The following NALF1 variants were observed in gnomAD, a reference collection of about 807,000 sequenced individuals.
NALF1 encodes the protein family with sequence similarity 155 member A.
Under a neutral mutation model 48.4 loss-of-function variants are expected in NALF1, and 3 were observed. The ratio of observed to expected loss-of-function variants is 0.06; its 90% CI spans 0.03 to 0.16. The LOEUF (loss-of-function observed/expected upper bound fraction) is 0.16, where lower values mean the gene tolerates loss of function less well. Ranked by LOEUF, NALF1 falls within the 10% of genes least tolerant of loss-of-function variation. The pLI is 1.00. For missense variants in NALF1, 526 were observed against 571.5 expected (o/e 0.92, Z 0.81); for synonymous variants, 262 against 245.7 (o/e 1.07, Z -0.62).
At chr13:107,770,619 A>C (rs1877551872) in intron 1 of NALF1, among the ~76,000 whole-genome samples, 3 of 152,140 alleles carry the variant, frequency 2.0e-5, no homozygotes, top group African/African-American at 7.2e-5. Context: ...GATCCTTCTA[A>C]TCACTCTCAA....
intron 1 of NALF1, among the ~76,000 whole-genome samples, chr13:107,673,234 TAATTTAATGAG>T (rs1468651306): frequency 1.3e-5 from 2 of 152,196 alleles, no homozygotes; most frequent in Non-Finnish European, 1.5e-5. Flanking sequence ...GTTAAAGGAT[TAATTTAATGAG>T]ATTTAGTTCT....
rs750026970 is a variant in NALF1 at position 107,785,114 on chromosome 13, GTATATA to G, written c.915+80562_915+80567del. On this transcript the variant is annotated intron_variant, in intron 1 of 2. Coordinates refer to ENST00000375915, the MANE Select transcript of NALF1 (RefSeq NM_001080396.3). ...CACACACATATATATGTATGTATAT[GTATATA>G]TATATTCATATATATGTGTGTGTAT... is the stretch of plus-strand genomic sequence containing the variant. Among the ~76,000 whole-genome samples the G allele has an allele frequency of 8.6e-5, 13 of 151,314 alleles. No homozygotes were observed. In the East Asian group the frequency reaches 1.6e-3, roughly 18 times the overall value.
chr13:107,576,816 A>G (rs1594138579), intron 1 of NALF1, among the ~76,000 whole-genome samples: 1 of 152,186 alleles, frequency 6.6e-6, no homozygotes, highest in Admixed American at 6.5e-5. Context: ...ACAAAAGTGT[A>G]GAAAATAAAT....
intron 1 of NALF1, among the ~76,000 whole-genome samples, chr13:107,224,022 A>G (rs1880048923): frequency 6.6e-6 from 1 of 150,408 alleles, no homozygotes; most frequent in African/African-American, 2.5e-5. Flanking sequence ...TAATTGATTA[A>G]TTAATTAATT....
Position 107,866,307 on chromosome 13 carries a change from C to CGCCGCTGCTGCTGCTGCTGCT in NALF1, c.269_289dup (p.Gln90_Arg96dup). The CGCCGCTGCTGCTGCTGCTGCT allele has an allele frequency of 6.2e-7, 1 of 1,607,286 alleles. No homozygotes were observed. ...CGCGGGCCAGGAGGGCTCCTGCTGCCGCCGCTGCTGCTGCTGCTGCTGCCG... is the reference window on the plus strand; with the variant it reads ...CGCGGGCCAGGAGGGCTCCTGCTGCCGCCGCTGCTGCTGCTGCTGCTGCCGCTGCTGCTGCTGCTGCTGCCG... On this transcript the variant is annotated inframe_insertion, in exon 1 of 3. Transcript: ENST00000375915. This position sits in a 1 kb window ranked among gnomAD's most constrained non-coding sequence, Gnocchi z 4.4.
At chr13:107,517,027 G>A (rs1183622584) in intron 1 of NALF1, among the ~76,000 whole-genome samples, 2 of 152,078 alleles carry the variant, frequency 1.3e-5, no homozygotes, top group Non-Finnish European at 2.9e-5. Flanking sequence ...ATTCATTTAC[G>A]TGGCCTAGGA....
intron 1 of NALF1, among the ~76,000 whole-genome samples, chr13:107,221,285 A>T (rs528495205): frequency 4.9e-5 from 7 of 142,610 alleles, no homozygotes; most frequent in East Asian, 2.3e-4. Flanking sequence ...ATTGAAATTT[A>T]AAAAATTCAA....
chr13:107,664,446 G>A (rs775134178), intron 1 of NALF1, among the ~76,000 whole-genome samples: 5 of 152,080 alleles, frequency 3.3e-5, no homozygotes, highest in African/African-American at 7.2e-5. Context: ...AAGACAGGTC[G>A]TGTCCCTCTT....
intron 1 of NALF1, among the ~76,000 whole-genome samples, chr13:107,733,543 T>C (rs1212600731): frequency 6.6e-6 from 1 of 152,130 alleles, no homozygotes; most frequent in East Asian, 1.9e-4. Context: ...AACAAAATTA[T>C]ACAAATAGTC....
chr13:107,486,424 C>T (rs1468240622), intron 1 of NALF1, among the ~76,000 whole-genome samples: 1 of 152,160 alleles, frequency 6.6e-6, no homozygotes, highest in Non-Finnish European at 1.5e-5. Flanking sequence ...AAAGCAAGAT[C>T]TGAAAAATCT....
intron 1 of NALF1, among the ~76,000 whole-genome samples, chr13:107,456,143 G>T (rs912877539): frequency 6.6e-6 from 1 of 151,992 alleles, no homozygotes; most frequent in African/African-American, 2.4e-5. Context: ...TTTTTCAATA[G>T]AAAGTTCATC....
At chr13:107,771,864 G>C (rs1251421646) in intron 1 of NALF1, among the ~76,000 whole-genome samples, 1 of 152,084 alleles carries the variant, frequency 6.6e-6, no homozygotes, top group Non-Finnish European at 1.5e-5. Flanking sequence ...AGCCTCTGGA[G>C]TAGTTGGGAC....
intron 1 of NALF1, among the ~76,000 whole-genome samples, chr13:107,604,858 TG>T (rs1879023397): frequency 6.6e-6 from 1 of 152,148 alleles, no homozygotes; most frequent in Non-Finnish European, 1.5e-5. Flanking sequence ...CTCAATCTCA[TG>T]TTAGCCATGA....
At chr13:107,515,465 T>C (rs566096269) in intron 1 of NALF1, among the ~76,000 whole-genome samples, 1 of 152,206 alleles carries the variant, frequency 6.6e-6, no homozygotes, top group South Asian at 2.1e-4. Context: ...ATGGCTATGA[T>C]CCATATATAA....
At chr13:107,220,509 C>T (rs1299416409) in intron 1 of NALF1, among the ~76,000 whole-genome samples, 1 of 152,182 alleles carries the variant, frequency 6.6e-6, no homozygotes, top group Non-Finnish European at 1.5e-5. Flanking sequence ...TACCATGAAA[C>T]AGAGGACTGG....
In NALF1 at chr13:107,724,665, G is replaced by A. The variant is rs140506302; in HGVS notation, c.915+141017C>T. ...CAGCCTTGACCTCCCAGGCTCAAGC[G>A]ATCCTTCCACCTCAGCCTCCTGAAT... On this transcript the variant is annotated intron_variant, in intron 1 of 2. Transcript: ENST00000375915. Among the ~76,000 whole-genome samples the A allele has an allele frequency of 1.1e-4, 17 of 151,900 alleles. No individual in the cohort carries two copies. The East Asian group carries it at 1.8e-3, about 16-fold the overall frequency.
intron 1 of NALF1, among the ~76,000 whole-genome samples, chr13:107,777,702 T>C (rs547015544): frequency 9.2e-5 from 14 of 152,272 alleles, no homozygotes; most frequent in Non-Finnish European, 1.9e-4. Flanking sequence ...AATTAAACCC[T>C]TTTTCTTTAC....
At chr13:107,639,667 G>A (rs910809276) in intron 1 of NALF1, among the ~76,000 whole-genome samples, 1 of 151,328 alleles carries the variant, frequency 6.6e-6, no homozygotes, top group Non-Finnish European at 1.5e-5. Context: ...ACAGGTTTGG[G>A]GTGTATAAAT....
intron 1 of NALF1, among the ~76,000 whole-genome samples, chr13:107,443,753 A>G (rs1884604878): frequency 6.6e-6 from 1 of 152,186 alleles, no homozygotes; most frequent in East Asian, 1.9e-4. Flanking sequence ...AGTGACCATG[A>G]TTGAAATAAA....
Sources: gnomAD v4.1 joint callset for allele counts (sites outside exome capture counted in the v4.1 genomes callset) on GRCh38, gnomAD v4.1.1 for gene constraint, Gnocchi (gnomAD v3.1) non-coding constraint, MANE v1.5 for transcripts, NCBI Gene and HGNC (gene_info 2026-07-23, HGNC 2026-07-21) for gene names.